The following SPTBN4 variants were observed in gnomAD, a reference collection of about 807,000 sequenced individuals.
The protein encoded by SPTBN4 is spectrin beta chain, non-erythrocytic 4.
A neutral mutation model predicts 277.8 loss-of-function variants in SPTBN4; 96 were observed. The ratio of observed to expected loss-of-function variants is 0.35; its 90% CI spans 0.29 to 0.41. The LOEUF is 0.41. Ranked by LOEUF, SPTBN4 falls within the 10% of genes least tolerant of loss-of-function variation. The probability of loss-of-function intolerance (pLI) is 1.00; values close to 1 mark genes in which losing one functional copy is unlikely to be tolerated. For synonymous variants in SPTBN4, 1,481 were observed against 1,580.3 expected (o/e 0.94, Z 1.49); for missense variants, 3,006 against 3,595.7 (o/e 0.84, Z 4.19).
Position 40,565,581 on chromosome 19 carries a change from T to C in SPTBN4, c.6054+20T>C. The C allele has an allele frequency of 6.2e-7, 1 of 1,607,750 alleles. No individual in the cohort carries two copies. The highest frequency in any genetic ancestry group is 8.5e-7 in the Non-Finnish European group (1 of 1,177,192). ...GATGAGGTGGGGAGCAGGGAGGGGG[T>C]CCCCCTCTGCCACCCGGGCACATTG... On this transcript the variant is annotated intron_variant, in intron 28 of 35. Coordinates refer to ENST00000598249, the MANE Select transcript of SPTBN4 (RefSeq NM_020971.3).
At chr19:40,572,256 T>A in intron 34 of SPTBN4, 64 bp downstream of exon 34, 1 of 1,602,724 alleles carries the variant, frequency 6.2e-7, no homozygotes, top group South Asian at 1.1e-5. Flanking sequence ...AGTGGGACCC[T>A]GGCTTCCCTG....
intron 7 of SPTBN4, among the ~76,000 whole-genome samples, chr19:40,501,714 C>A (rs1035845601): frequency 1.3e-5 from 2 of 151,842 alleles, no homozygotes; most frequent in Non-Finnish European, 2.9e-5. Flanking sequence ...TATTTCTCTG[C>A]GGTGGTTTAT....
In SPTBN4 at chr19:40,567,862, T is replaced by C. The variant is rs1166331390; in HGVS notation, c.6536T>C (p.Val2179Ala). 2 of 1,526,172 alleles carry C rather than the reference T, an allele frequency of 1.3e-6. No individual in the cohort carries two copies. The highest frequency in any genetic ancestry group is 1.8e-6 in the Non-Finnish European group (2 of 1,138,328). 94.5% of individuals were successfully genotyped at this position (1,526,172 alleles called of 1,614,324 possible). A position where few individuals can be genotyped will look rare whatever the true frequency, so the allele number is the denominator to read the frequency against. ...GAGGTGCGGACTCGGGTGGGGTATG[T>C]GCGCCAGGAGCTCAAGCCCGAGCGC... ...SAEVRTRVGY[V>A]RQELKPERLQ... Residue 2179 changes from valine to alanine, a missense_variant, in exon 31 of 36, where the codon GTG becomes GCG. Val to Ala is a moderately conservative substitution (Grantham distance 64). Coordinates refer to ENST00000598249, the MANE Select transcript of SPTBN4 (RefSeq NM_020971.3).
Position 40,575,484 on chromosome 19 carries a change from A to G in SPTBN4, c.7610A>G (p.Gln2537Arg). ...CACGCAGAGATCGCCCGCTGGGGCCAGACACTACCCACTACTTCATCCACA... is the reference window on the plus strand; with the variant it reads ...CACGCAGAGATCGCCCGCTGGGGCCGGACACTACCCACTACTTCATCCACA... ...AEHAEIARWGQTLPTTSSTDE... is the reference protein window; with the variant it reads ...AEHAEIARWGRTLPTTSSTDE... Residue 2537 changes from glutamine to arginine, a missense_variant, in exon 36 of 36, where the codon CAG becomes CGG. Coordinates refer to ENST00000598249, the MANE Select transcript of SPTBN4 (RefSeq NM_020971.3). The G allele has an allele frequency of 6.2e-7, 1 of 1,613,410 alleles. No individual in the cohort carries two copies. The highest frequency in any genetic ancestry group is 8.5e-7 in the Non-Finnish European group (1 of 1,179,860).
intron 1 of SPTBN4, among the ~76,000 whole-genome samples, chr19:40,471,506 C>T (rs1205381268): frequency 6.6e-6 from 1 of 152,132 alleles, no homozygotes. Context: ...TTTGCTGAGC[C>T]CTTAATATGT....
intron 22 of SPTBN4, among the ~76,000 whole-genome samples, chr19:40,551,900 A>G (rs1599797620): frequency 1.3e-5 from 2 of 151,922 alleles, no homozygotes; most frequent in African/African-American, 4.8e-5. Context: ...AGGCTGAGGC[A>G]GGAGAATTGC....
chr19:40,501,017 AGAG>A (rs771454780), intron 7 of SPTBN4, among the ~76,000 whole-genome samples: 29 of 152,312 alleles, frequency 1.9e-4, no homozygotes, highest in Non-Finnish European at 2.9e-4. Flanking sequence ...TAAGATGCTA[AGAG>A]GAGAATAACA....
At position 40,494,205 on chromosome 19, in the gene SPTBN4, T is replaced by G. The variant is rs576056347; in HGVS notation, c.588-692T>G. Among the ~76,000 whole-genome samples, 474 of 152,284 alleles carry G rather than the reference T, an allele frequency of 3.1e-3. 2 individuals are homozygous for G. The highest frequency in any genetic ancestry group is 0.011 in the African/African-American group (445 of 41,562). On this transcript the variant is annotated intron_variant, in intron 5 of 35. Coordinates refer to ENST00000598249, the MANE Select transcript of SPTBN4 (RefSeq NM_020971.3). ...TCTCTGACTCTCATCCTTCTGGCTG[T>G]CTGTCTTGCAAAGGAGATCATGGGG...
intron 20 of SPTBN4, among the ~76,000 whole-genome samples, chr19:40,545,589 C>G (rs948625485): frequency 6.6e-6 from 1 of 152,078 alleles, no homozygotes; most frequent in African/African-American, 2.4e-5. Flanking sequence ...AAGTCTTTTA[C>G]ATTTTTGCCA....
At chr19:40,530,463 G>A (rs1214158532) in intron 18 of SPTBN4, 5 of 975,856 alleles carry the variant, frequency 5.1e-6, no homozygotes, top group Admixed American at 6.3e-5. Context: ...CCGCGCGGGG[G>A]CGAGGGAGGG....
chr19:40,467,153 G>A lies in SPTBN4; in HGVS notation c.-168G>A, dbSNP rs1599696232. On this transcript the variant is annotated 5_prime_UTR_variant, in exon 1 of 36. Transcript: ENST00000598249. ...GCGGCGCGAGAGAGGGAGGCGCGGC[G>A]GCGCATGCGGATCTGGCTGAGCCGC... 6.7e-6 allele frequency: 1 copy of A among 148,636 alleles called. No homozygotes were observed. The highest frequency in any genetic ancestry group is 2.0e-4 in the East Asian group (1 of 5,050). The allele number at this position is 148,636 out of a possible 1,614,324, so 9.2% of individuals were successfully genotyped here.
chr19:40,528,105 G>A (rs1338885519), intron 17 of SPTBN4, among the ~76,000 whole-genome samples: 1 of 150,760 alleles, frequency 6.6e-6, no homozygotes, highest in Admixed American at 6.6e-5. Flanking sequence ...TGGAGACCCT[G>A]GGAGGATCTC....
chr19:40,550,372 A>G (rs139532514), intron 22 of SPTBN4, 45 bp downstream of exon 22: 3 of 1,576,014 alleles, frequency 1.9e-6, no homozygotes, highest in Non-Finnish European at 2.6e-6. Flanking sequence ...ATTTGGATAC[A>G]TGTGATAGAA....
In SPTBN4 at chr19:40,472,730, C is replaced by T. The variant is rs541947221; in HGVS notation, c.109C>T (p.Pro37Ser). The T allele has an allele frequency of 1.2e-6, 2 of 1,608,720 alleles. No individual in the cohort carries two copies. The highest frequency in any genetic ancestry group is 2.2e-5 in the South Asian group (2 of 90,292). The change falls in exon 2 of 36, where the codon CCG (proline) becomes TCG (serine). Residue 37 changes from proline (P) to serine (S), a missense_variant. Physicochemically the swap from Pro to Ser is moderately conservative, Grantham distance 74. Around this residue, in one of 5 missense-constraint regions of SPTBN4, gnomAD observed 78 missense variants for 65.7 expected, o/e 1.19. Coordinates refer to ENST00000598249, the MANE Select transcript of SPTBN4 (RefSeq NM_020971.3). ...GGATCGGGGCTGGGAGCGGGAGCAG[C>T]CGGCTGCGTCCACCGCAGCGGCCTC... ...SPDRGWEREQ[P>S]AASTAAASLF...
intron 13 of SPTBN4, among the ~76,000 whole-genome samples, chr19:40,509,201 C>T (rs971925157): frequency 6.7e-6 from 1 of 150,322 alleles, no homozygotes; most frequent in Non-Finnish European, 1.5e-5. Flanking sequence ...GGATTACAGA[C>T]GTGAGCCATT....
Position 40,519,498 on chromosome 19 carries a change from G to A in SPTBN4, c.3001G>A (p.Ala1001Thr). 1 of 1,609,132 alleles carries A rather than the reference G, an allele frequency of 6.2e-7. No homozygotes were observed. Among genetic ancestry groups the A allele is most frequent in the Non-Finnish European group, 8.5e-7 (1 of 1,178,500 alleles). Residue 1001 changes from alanine to threonine, a missense_variant, in exon 16 of 36, where the codon GCC becomes ACC. Transcript: ENST00000598249. This position sits in a 1 kb window ranked among gnomAD's most constrained non-coding sequence, Gnocchi z 5.7. ...CGTGCTGGAGGTGGCCGAGGTGCGC[G>A]CCCAGGTGCGTGAGAAGCGGAGAGC... ...NHVLEVAEVR[A>T]QVREKRRAVE...
At chr19:40,529,167 C>G in intron 18 of SPTBN4, 36 bp downstream of exon 18, 1 of 1,588,336 alleles carries the variant, frequency 6.3e-7, no homozygotes, top group Non-Finnish European at 8.6e-7. Flanking sequence ...CGGAGACATC[C>G]CCTTTAGTCG....
chr19:40,497,519 C>T lies in SPTBN4; in HGVS notation c.699C>T (p.Thr233=). 1.2e-6 allele frequency: 2 copies of T among 1,614,120 alleles called. No individual in the cohort carries two copies. The highest frequency in any genetic ancestry group is 1.7e-6 in the Non-Finnish European group (2 of 1,180,030). Residue 233 remains threonine, a synonymous_variant, in exon 7 of 36, where the codon ACC becomes ACT. Transcript: ENST00000598249. ...ATCTCGTGGACTTCAGCAAACTCACCAAGTCCAATGCCAACTACAACCTGC... is the reference window on the plus strand; with the variant it reads ...ATCTCGTGGACTTCAGCAAACTCACTAAGTCCAATGCCAACTACAACCTGC... ...RPDLVDFSKL[T]KSNANYNLQR...
At chr19:40,549,521 T>G (rs1159370441) in intron 21 of SPTBN4, 108 bp downstream of exon 21, 2 of 878,170 alleles carry the variant, frequency 2.3e-6, no homozygotes, top group South Asian at 1.9e-5. Context: ...CTCCCACTCA[T>G]ACGCTGAAAG....
Sources: allele counts gnomAD v4.1 joint callset (sites outside exome capture counted in the v4.1 genomes callset), GRCh38; gene constraint gnomAD v4.1.1; regional missense constraint gnomAD v4.1.1; non-coding constraint Gnocchi (gnomAD v3.1); transcripts MANE v1.5; gene names NCBI Gene and HGNC (gene_info 2026-07-23, HGNC 2026-07-21).